CPNE5: variants seen among roughly 807,000 people sequenced by gnomAD.
CPNE5 encodes copine-5.
A neutral mutation model predicts 81.1 loss-of-function variants in CPNE5; 42 were observed. That is an observed-to-expected ratio of 0.52 (90% CI 0.40 to 0.67). The LOEUF (loss-of-function observed/expected upper bound fraction) is 0.67. CPNE5 is among the 30% of genes least tolerant of loss of function. The pLI is 0.00. For synonymous variants in CPNE5, 313 were observed against 321.5 expected (o/e 0.97, Z 0.28); for missense variants, 612 against 815.5 (o/e 0.75, Z 3.04).
intron 1 of CPNE5, among the ~76,000 whole-genome samples, chr6:36,835,203 G>C (rs941148930): frequency 6.6e-6 from 1 of 152,236 alleles, no homozygotes; most frequent in African/African-American, 2.4e-5. Context: ...AAGTGCAAAG[G>C]TTTCTTGTTA....
chr6:36,753,235 C>T, intron 13 of CPNE5, 140 bp from the exon 14 acceptor site: 1 of 630,148 alleles, frequency 1.6e-6, no homozygotes, highest in Non-Finnish European at 2.9e-6. Flanking sequence ...CACACCACCC[C>T]ATGAAGTACT....
chr6:36,775,926 C>T (rs1175188869), intron 9 of CPNE5, among the ~76,000 whole-genome samples: 2 of 151,970 alleles, frequency 1.3e-5, no homozygotes, highest in African/African-American at 4.8e-5. Flanking sequence ...TCTTGGGGGG[C>T]GAGTTTCCAT....
At chr6:36,819,073 T>C (rs1369843994) in intron 3 of CPNE5, among the ~76,000 whole-genome samples, 1 of 152,242 alleles carries the variant, frequency 6.6e-6, no homozygotes, top group East Asian at 1.9e-4. Context: ...GCCCAGCCCC[T>C]GTGGAAATAT....
chr6:36,777,803 A>AG (rs1767683225), intron 9 of CPNE5, among the ~76,000 whole-genome samples: 1 of 117,100 alleles, frequency 8.5e-6, no homozygotes, highest in South Asian at 3.1e-4. Context: ...CACACACACA[A>AG]TTTCAAGGGG....
In CPNE5 at chr6:36,790,876, A is replaced by G. The variant is rs377350468; in HGVS notation, c.528+1157T>C. 1.1e-4 allele frequency among the ~76,000 whole-genome samples: 17 copies of G among 152,344 alleles called. No individual in the cohort carries two copies. The East Asian group carries it at 2.9e-3, about 26-fold the overall frequency. ...AATGCGTTATTTATGTTGACCCATA[A>G]TGGGTTCAACTATTGTTATTTTTAA... On this transcript the variant is annotated intron_variant, in intron 8 of 20. Coordinates refer to ENST00000244751, the MANE Select transcript of CPNE5 (RefSeq NM_020939.2).
At chr6:36,778,995 G>A in intron 8 of CPNE5, 38 bp from the exon 9 acceptor site, 1 of 1,409,462 alleles carries the variant, frequency 7.1e-7, no homozygotes, top group South Asian at 1.2e-5. Context: ...TGAGGCAGGA[G>A]AAAGTGGAAG....
At chr6:36,769,964 T>C (rs1175388864) in intron 10 of CPNE5, among the ~76,000 whole-genome samples, 2 of 152,226 alleles carry the variant, frequency 1.3e-5, no homozygotes, top group Non-Finnish European at 2.9e-5. Context: ...TCTTAAAATC[T>C]ACTCATTCAG....
chr6:36,758,598 A>C (rs1765718762), intron 12 of CPNE5, among the ~76,000 whole-genome samples: 1 of 152,198 alleles, frequency 6.6e-6, no homozygotes, highest in Admixed American at 6.5e-5. Flanking sequence ...TGCCACCATA[A>C]GTCCATGCGA....
Position 36,759,956 on chromosome 6 carries a change from C to T in CPNE5, c.855+2961G>A, listed in dbSNP as rs557256502. On this transcript the variant is annotated intron_variant, in intron 12 of 20. Transcript: ENST00000244751. Reference sequence around the variant, plus strand: ...GCGTGGTGGCTCACACCTGAAATCCCAGCACTTTGCAAGGCCGAGGCGGGT... The same window carrying T: ...GCGTGGTGGCTCACACCTGAAATCCTAGCACTTTGCAAGGCCGAGGCGGGT... 1.4e-3 allele frequency among the ~76,000 whole-genome samples: 214 copies of T among 151,756 alleles called. 1 individual carries two copies. The highest frequency in any genetic ancestry group is 5.1e-3 in the African/African-American group (209 of 41,332).
intron 3 of CPNE5, among the ~76,000 whole-genome samples, chr6:36,802,142 C>A (rs1022897500): frequency 2.1e-5 from 3 of 143,106 alleles, no homozygotes; most frequent in Non-Finnish European, 4.5e-5. Flanking sequence ...TCGCTTGAAC[C>A]CAGGAGGCGG....
At chr6:36,827,745 C>A in intron 1 of CPNE5, 1 of 985,424 alleles carries the variant, frequency 1.0e-6, no homozygotes, top group South Asian at 4.7e-5. Flanking sequence ...GGGAGGAAAC[C>A]GGGTCTTCCG....
At chr6:36,789,355 A>T (rs1768885802) in intron 8 of CPNE5, among the ~76,000 whole-genome samples, 1 of 152,222 alleles carries the variant, frequency 6.6e-6, no homozygotes, top group African/African-American at 2.4e-5. Context: ...AAGACTGCTT[A>T]CCAACCCCTG....
Position 36,746,564 on chromosome 6 carries a change from C to T in CPNE5, c.1032G>A (p.Gln344=). 6.2e-7 allele frequency: 1 copy of T among 1,612,146 alleles called. No homozygotes were observed. The highest frequency in any genetic ancestry group is 2.2e-5 in the East Asian group (1 of 44,646). The change falls in exon 16 of 21, where the codon CAG becomes CAA. Residue 344 remains glutamine, a synonymous_variant. Coordinates refer to ENST00000244751, the MANE Select transcript of CPNE5 (RefSeq NM_020939.2). The surrounding 1 kb of genome is among the most constrained non-coding windows in gnomAD (Gnocchi z 4.5). ...GGCTCATGTAGTGCAGGGATGTGGA[C>T]TGTGAGGGGTTCCCTGTAACACAGG... The part of the protein sequence containing the change: ...DFTASNGNPS[Q]STSLHYMSPY...
At chr6:36,756,112 C>CCAAAA in intron 13 of CPNE5, 133 bp downstream of exon 13, 2 of 523,826 alleles carry the variant, frequency 3.8e-6, no homozygotes, top group Non-Finnish European at 6.9e-6. Context: ...CTCCCCACCC[C>CCAAAA]ATCTCTCTTG....
In CPNE5 at chr6:36,836,657, A is replaced by T. The variant is rs544158538; in HGVS notation, c.95+2626T>A. Among the ~76,000 whole-genome samples the T allele has an allele frequency of 1.6e-4, 25 of 152,170 alleles. 1 individual carries two copies. Among genetic ancestry groups the T allele is most frequent in the East Asian group, 7.7e-4 (4 of 5,172 alleles). On this transcript the variant is annotated intron_variant, in intron 1 of 20. Transcript: ENST00000244751. The stretch of plus-strand genomic sequence containing the variant: ...AGCGGGTGCAGTGGGGAGGGACTTG[A>T]CTTTAACTGGCGACCATGGAGTGAA...
chr6:36,782,816 A>AACACACACAC lies in CPNE5; in HGVS notation c.529-3869_529-3860dup, dbSNP rs3997726. Among the ~76,000 whole-genome samples the AACACACACAC allele has an allele frequency of 2.7e-3, 346 of 126,316 alleles. 2 individuals are homozygous for AACACACACAC. Among genetic ancestry groups the AACACACACAC allele is most frequent in the African/African-American group, 3.5e-3 (109 of 31,540 alleles). The allele number at this position is 126,316 out of a possible 152,430, so 82.9% of individuals were successfully genotyped here. Reference sequence around the variant, plus strand: ...TCTCAAATAATAAAACAAAAACCAAAACACACACACACACACACACACACA... The same window carrying AACACACACAC: ...TCTCAAATAATAAAACAAAAACCAAAACACACACACACACACACACACACACACACACACA... On this transcript the variant is annotated intron_variant, in intron 8 of 20. Coordinates refer to ENST00000244751, the MANE Select transcript of CPNE5 (RefSeq NM_020939.2).
At chr6:36,794,433 C>G (rs1425438458) in intron 7 of CPNE5, among the ~76,000 whole-genome samples, 157 bp downstream of exon 7, 2 of 152,116 alleles carry the variant, frequency 1.3e-5, no homozygotes, top group African/African-American at 4.8e-5. Context: ...GCCCAAAGAG[C>G]CTGGGTGCCT....
At chr6:36,744,468 A>C in intron 18 of CPNE5, 143 bp from the exon 19 acceptor site, 1 of 683,568 alleles carries the variant, frequency 1.5e-6, no homozygotes, top group Non-Finnish European at 2.6e-6. Context: ...AAACACAGAA[A>C]AGGGGGTAGG....
chr6:36,769,316 A>T (rs1432954680), intron 10 of CPNE5, among the ~76,000 whole-genome samples: 1 of 152,210 alleles, frequency 6.6e-6, no homozygotes, highest in East Asian at 1.9e-4. Flanking sequence ...GTCAGTGGTG[A>T]TGCCAGGAGT....
Sources: gnomAD v4.1 joint callset for allele counts (sites outside exome capture counted in the v4.1 genomes callset) on GRCh38, gnomAD v4.1.1 for gene constraint, Gnocchi (gnomAD v3.1) non-coding constraint, MANE v1.5 for transcripts, NCBI Gene and HGNC (gene_info 2026-07-23, HGNC 2026-07-21) for gene names.